The following EYS variants were observed in gnomAD, a reference collection of about 807,000 sequenced individuals.
EYS encodes the protein protein eyes shut homolog.
Under a neutral mutation model 282.1 loss-of-function variants are expected in EYS, and 250 were observed. That is an observed-to-expected ratio of 0.89 (90% CI 0.80 to 0.98). EYS has a LOEUF of 0.98. Among genes scored for constraint, EYS ranks in the 50% least tolerant of loss-of-function variants. The pLI is 0.00. For synonymous variants in EYS, 1,355 were observed against 1,282.9 expected, an observed-to-expected ratio of 1.06 and a Z score of -1.20; for missense variants, 4,016 against 3,709.0, an observed-to-expected ratio of 1.08 and a Z score of -2.15.
At chr6:64,051,141 A>G (rs975824551) in intron 33 of EYS, among the ~76,000 whole-genome samples, 1 of 152,148 alleles carries the variant, frequency 6.6e-6, no homozygotes, top group Non-Finnish European at 1.5e-5. Context: ...TTGTTTATAG[A>G]AAAAACACAG....
intron 11 of EYS, among the ~76,000 whole-genome samples, chr6:65,309,768 G>C (rs1769106072): frequency 6.6e-6 from 1 of 152,146 alleles, no homozygotes; most frequent in African/African-American, 2.4e-5. Flanking sequence ...TATCCTTTAT[G>C]TATCTTTCCC....
chr6:63,872,318 G>A (rs1283151887), intron 35 of EYS, among the ~76,000 whole-genome samples: 2 of 151,920 alleles, frequency 1.3e-5, no homozygotes, highest in African/African-American at 4.8e-5. Context: ...GGTGGTGTGT[G>A]TGTGTGTGTG....
At chr6:64,145,691 G>T (rs1018560937) in intron 31 of EYS, among the ~76,000 whole-genome samples, 3 of 152,018 alleles carry the variant, frequency 2.0e-5, no homozygotes, top group Non-Finnish European at 4.4e-5. Flanking sequence ...TTTAAATTAA[G>T]ATTTTAATAA....
intron 13 of EYS, among the ~76,000 whole-genome samples, chr6:65,034,867 C>T (rs548009004): frequency 4.3e-4 from 65 of 152,030 alleles, no homozygotes; most frequent in African/African-American, 1.5e-3. Flanking sequence ...TTCTATGAGG[C>T]CAGCATTATT....
At chr6:64,993,953 ATTAGTTC>A (rs1771163701) in intron 14 of EYS, among the ~76,000 whole-genome samples, 1 of 151,464 alleles carries the variant, frequency 6.6e-6, no homozygotes, top group Non-Finnish European at 1.5e-5. Context: ...TTCCTTCCAC[ATTAGTTC>A]TACTGCACTA....
chr6:65,046,833 G>A (rs1389181720), intron 13 of EYS, among the ~76,000 whole-genome samples: 1 of 151,924 alleles, frequency 6.6e-6, no homozygotes, highest in East Asian at 1.9e-4. Flanking sequence ...GGTGGAAGGT[G>A]TTTGTATTAT....
At chr6:64,313,381 T>C (rs933325179) in intron 29 of EYS, among the ~76,000 whole-genome samples, 1 of 146,584 alleles carries the variant, frequency 6.8e-6, no homozygotes, top group Non-Finnish European at 1.5e-5. Context: ...TGTGGGACTA[T>C]GTGAAAATAC....
chr6:65,656,168 TC>T (rs1055746175), intron 1 of EYS, among the ~76,000 whole-genome samples: 3 of 151,788 alleles, frequency 2.0e-5, no homozygotes, highest in African/African-American at 7.3e-5. Context: ...CCCTCTTTCC[TC>T]CCCGTCTCCT....
intron 12 of EYS, among the ~76,000 whole-genome samples, chr6:65,178,771 CCA>C (rs1765294908): frequency 6.6e-6 from 1 of 152,080 alleles, no homozygotes; most frequent in African/African-American, 2.4e-5. Context: ...CTTCTCAGCA[CCA>C]CACCACACCT....
At chr6:64,320,768 T>G (rs951760697) in intron 29 of EYS, among the ~76,000 whole-genome samples, 3 of 151,836 alleles carry the variant, frequency 2.0e-5, no homozygotes, top group Non-Finnish European at 4.4e-5. Context: ...GGACATTGTA[T>G]TATTACTTTA....
At chr6:64,391,359 T>G (rs1030904121) in intron 28 of EYS, among the ~76,000 whole-genome samples, 7 of 152,078 alleles carry the variant, frequency 4.6e-5, no homozygotes, top group African/African-American at 1.7e-4. Flanking sequence ...GAAAAAATGT[T>G]AAGGGCAGCC....
chr6:64,587,533 A>C (rs1766271239), intron 26 of EYS, among the ~76,000 whole-genome samples: 1 of 152,096 alleles, frequency 6.6e-6, no homozygotes, highest in Admixed American at 6.6e-5. Context: ...GATTATTTCC[A>C]GTAATATGTT....
At chr6:64,714,116 A>G (rs1275178245) in intron 22 of EYS, among the ~76,000 whole-genome samples, 1 of 152,254 alleles carries the variant, frequency 6.6e-6, no homozygotes, top group Non-Finnish European at 1.5e-5. Flanking sequence ...TGTGGTCTGC[A>G]TTACAATGAT....
At position 64,822,599 on chromosome 6, in the gene EYS, T is replaced by A. The variant is rs1764932197; in HGVS notation, c.3164+52A>T. ...CTTTCCCTTGATGTTAAGTCTTAAATATTGTGAGTTAAATATACTTTCATA... is the reference window on the plus strand; with the variant it reads ...CTTTCCCTTGATGTTAAGTCTTAAAAATTGTGAGTTAAATATACTTTCATA... On this transcript the variant is annotated intron_variant, in intron 20 of 42. Coordinates refer to ENST00000503581, the MANE Select transcript of EYS (RefSeq NM_001142800.2). The A allele has an allele frequency of 6.6e-6, 9 of 1,368,706 alleles. 1 individual carries two copies. In the South Asian group the frequency reaches 1.3e-4, roughly 19 times the overall value. 84.8% of individuals were successfully genotyped at this position (1,368,706 alleles called of 1,614,324 possible).
intron 1 of EYS, among the ~76,000 whole-genome samples, chr6:65,698,705 C>T (rs1414384776): frequency 2.0e-5 from 3 of 152,206 alleles, no homozygotes; most frequent in Non-Finnish European, 4.4e-5. Flanking sequence ...AAACATTTAC[C>T]ATGCTGCAGG....
intron 35 of EYS, among the ~76,000 whole-genome samples, chr6:63,916,799 C>A (rs546276539): frequency 1.4e-4 from 21 of 152,336 alleles, no homozygotes; most frequent in African/African-American, 4.6e-4. Context: ...TTTACACCAT[C>A]TTTGTGCATG....
At chr6:64,505,718 C>T (rs1297954861) in intron 26 of EYS, among the ~76,000 whole-genome samples, 1 of 152,158 alleles carries the variant, frequency 6.6e-6, no homozygotes, top group Non-Finnish European at 1.5e-5. Context: ...AACTCTTTAA[C>T]CTTCTGGGAT....
chr6:63,878,541 C>G (rs1773041274), intron 35 of EYS, among the ~76,000 whole-genome samples: 2 of 152,244 alleles, frequency 1.3e-5, no homozygotes, highest in African/African-American at 4.8e-5. Flanking sequence ...GAAGTTTCTG[C>G]TGCCTTTTGT....
At chr6:64,354,780 A>G (rs1404420392) in intron 29 of EYS, among the ~76,000 whole-genome samples, 2 of 151,594 alleles carry the variant, frequency 1.3e-5, no homozygotes, top group Admixed American at 6.6e-5. Context: ...TATGACATAT[A>G]ATGATACAAA....
Sources: allele counts gnomAD v4.1 joint callset (sites outside exome capture counted in the v4.1 genomes callset), GRCh38; gene constraint gnomAD v4.1.1; transcripts MANE v1.5; gene names NCBI Gene and HGNC (gene_info 2026-07-23, HGNC 2026-07-21).